The following PRKN variants were observed in gnomAD, a reference collection of about 807,000 sequenced individuals.
The protein encoded by PRKN is E3 ubiquitin-protein ligase parkin.
PRKN carries 56 observed loss-of-function variants against 59.5 expected under a neutral mutation model. The observed-to-expected ratio is 0.94, with a 90% CI of 0.76 to 1.18. The LOEUF is 1.18. PRKN is among the 50% of genes most tolerant of loss of function. The pLI is 0.00. For synonymous variants in PRKN, 250 were observed against 222.1 expected, an observed-to-expected ratio of 1.13 and a Z score of -1.12; for missense variants, 657 against 596.4, an observed-to-expected ratio of 1.10 and a Z score of -1.06.
Position 162,300,875 on chromosome 6 carries a change from A to C in PRKN, c.172-38110T>G, listed in dbSNP as rs1781912860. 1.3e-5 allele frequency among the ~76,000 whole-genome samples: 2 copies of C among 152,158 alleles called. 1 individual carries two copies. Among genetic ancestry groups the C allele is most frequent in the Non-Finnish European group, 2.9e-5 (2 of 68,032 alleles). ...TCTTCAACCTATACATTAACAAAATAAAATGCATGTCAGGACACAGATGAC... is the reference window on the plus strand; with the variant it reads ...TCTTCAACCTATACATTAACAAAATCAAATGCATGTCAGGACACAGATGAC... On this transcript the variant is annotated intron_variant, in intron 2 of 11. Transcript: ENST00000366898.
intron 7 of PRKN, among the ~76,000 whole-genome samples, chr6:161,630,497 G>C (rs1214613384): frequency 2.0e-5 from 3 of 152,158 alleles, no homozygotes; most frequent in Non-Finnish European, 4.4e-5. Context: ...AATTTAATGA[G>C]TTTCCAAAAG....
intron 2 of PRKN, among the ~76,000 whole-genome samples, chr6:162,282,687 G>A (rs1780964708): frequency 6.6e-6 from 1 of 152,122 alleles, no homozygotes; most frequent in Non-Finnish European, 1.5e-5. Flanking sequence ...GGAAAAGAAG[G>A]CGGTCTATTT....
chr6:162,478,876 C>T (rs557927654), intron 1 of PRKN, among the ~76,000 whole-genome samples: 3 of 152,228 alleles, frequency 2.0e-5, no homozygotes, highest in African/African-American at 4.8e-5. Context: ...ATGGGACACT[C>T]GTCTAGGAAA....
At position 161,850,343 on chromosome 6, in the gene PRKN, G is replaced by A. The variant is rs61479004; in HGVS notation, c.735-64435C>T. Among the ~76,000 whole-genome samples the A allele has an allele frequency of 2.4e-3, 360 of 152,198 alleles. 2 individuals carry two copies. The highest frequency in any genetic ancestry group is 8.2e-3 in the African/African-American group (342 of 41,550). ...GCCTATAATCCCAGCACTTTGGAAG[G>A]CTGAGGTGCGTGGATCACGAGGTCA... On this transcript the variant is annotated intron_variant, in intron 6 of 11. Transcript: ENST00000366898.
At chr6:161,754,330 G>C (rs149155818) in intron 7 of PRKN, among the ~76,000 whole-genome samples, 1 of 152,014 alleles carries the variant, frequency 6.6e-6, no homozygotes, top group Non-Finnish European at 1.5e-5. Context: ...AGGAGATGTG[G>C]AGAGGGAGGG....
intron 10 of PRKN, among the ~76,000 whole-genome samples, chr6:161,366,617 T>C (rs1022683039): frequency 6.6e-6 from 1 of 152,176 alleles, no homozygotes; most frequent in Admixed American, 6.5e-5. Flanking sequence ...TGACTTAATA[T>C]GTAGACAAGA....
intron 3 of PRKN, among the ~76,000 whole-genome samples, chr6:162,228,178 G>A (rs541143215): frequency 2.6e-4 from 39 of 152,276 alleles, no homozygotes; most frequent in African/African-American, 8.4e-4. Flanking sequence ...TATTTCTACT[G>A]AAGCAGGTAT....
intron 9 of PRKN, among the ~76,000 whole-genome samples, chr6:161,437,182 C>T (rs530085045): frequency 2.6e-5 from 4 of 152,274 alleles, no homozygotes; most frequent in Admixed American, 1.3e-4. Flanking sequence ...GCGAGGACCA[C>T]GACACAAGCT....
chr6:162,104,372 C>T (rs1338173169), intron 4 of PRKN, among the ~76,000 whole-genome samples: 2 of 152,082 alleles, frequency 1.3e-5, no homozygotes, highest in Non-Finnish European at 2.9e-5. Flanking sequence ...TGTAACCTTC[C>T]AATACTAATT....
At chr6:161,688,710 G>A (rs986450561) in intron 7 of PRKN, among the ~76,000 whole-genome samples, 6 of 152,114 alleles carry the variant, frequency 3.9e-5, no homozygotes, top group Non-Finnish European at 1.5e-5. Context: ...AATAAAGAAG[G>A]GAATGACAAG....
At chr6:162,290,404 C>A (rs2128109072) in intron 2 of PRKN, among the ~76,000 whole-genome samples, 1 of 152,270 alleles carries the variant, frequency 6.6e-6, no homozygotes, top group Non-Finnish European at 1.5e-5. Flanking sequence ...ATAAATCTAA[C>A]ACAAAATATC....
chr6:161,566,842 G>T lies in PRKN; in HGVS notation c.933+2513C>A, dbSNP rs1445161192. ...TTATGAATGTTAAAGCCAGGCACAT[G>T]ATCACATTGGAGCCTCTGTTGTTGC... On this transcript the variant is annotated intron_variant, in intron 8 of 11. Transcript: ENST00000366898. This position sits in a 1 kb window ranked among gnomAD's most constrained non-coding sequence, Gnocchi z 4.1. Among the ~76,000 whole-genome samples, 3 of 152,060 alleles carry T rather than the reference G, an allele frequency of 2.0e-5. No homozygotes were observed. The highest frequency in any genetic ancestry group is 4.8e-5 in the African/African-American group (2 of 41,384).
chr6:162,286,996 T>G (rs55644342), intron 2 of PRKN, among the ~76,000 whole-genome samples: 13,460 of 152,272 alleles, frequency 0.088, 786 homozygotes, highest in South Asian at 0.25. Flanking sequence ...CATCTAAATT[T>G]TGCTTCATTC....
intron 3 of PRKN, 101 bp downstream of exon 3, chr6:162,262,424 G>A (rs750630486): frequency 9.2e-6 from 13 of 1,415,806 alleles, no homozygotes; most frequent in South Asian, 1.2e-5. Context: ...AATCCAAAAC[G>A]TATCATAAAC....
chr6:161,636,465 A>G (rs1783525010), intron 7 of PRKN, among the ~76,000 whole-genome samples: 1 of 152,204 alleles, frequency 6.6e-6, no homozygotes, highest in Non-Finnish European at 1.5e-5. Flanking sequence ...GCTGGTGAAC[A>G]GTCATGGCAT....
At chr6:162,619,927 T>TTC (rs924803585) in intron 1 of PRKN, among the ~76,000 whole-genome samples, 2 of 152,206 alleles carry the variant, frequency 1.3e-5, no homozygotes, top group African/African-American at 4.8e-5. Flanking sequence ...TGAGGGTATC[T>TTC]TCTCTCTCAC....
At chr6:162,012,195 A>C (rs112229233) in intron 5 of PRKN, among the ~76,000 whole-genome samples, 33 of 152,212 alleles carry the variant, frequency 2.2e-4, no homozygotes, top group African/African-American at 7.5e-4. Flanking sequence ...GGGAATTATA[A>C]ATTTTAAAAC....
At chr6:161,981,780 T>C (rs901314094) in intron 5 of PRKN, among the ~76,000 whole-genome samples, 1 of 152,194 alleles carries the variant, frequency 6.6e-6, no homozygotes. Flanking sequence ...TACACTTTGT[T>C]AAATTAACAA....
Position 161,369,631 on chromosome 6 carries a change from C to T in PRKN, c.1168-9426G>A, listed in dbSNP as rs1321396338. On this transcript the variant is annotated intron_variant, in intron 10 of 11. Transcript: ENST00000366898. The surrounding 1 kb of genome is among the most constrained non-coding windows in gnomAD (Gnocchi z 5.8). Reference sequence around the variant, plus strand: ...ATTCTGTGCCTGTCTACTGCTCACCCGTGGCAGGAGGAATTGCATGCATGC... The same window carrying T: ...ATTCTGTGCCTGTCTACTGCTCACCTGTGGCAGGAGGAATTGCATGCATGC... Among the ~76,000 whole-genome samples, 9 of 152,080 alleles carry T rather than the reference C, an allele frequency of 5.9e-5. No individual in the cohort carries two copies. Among genetic ancestry groups the T allele is most frequent in the African/African-American group, 1.4e-4 (6 of 41,422 alleles).
Sources: gnomAD v4.1 joint callset for allele counts (sites outside exome capture counted in the v4.1 genomes callset) on GRCh38, gnomAD v4.1.1 for gene constraint, Gnocchi (gnomAD v3.1) non-coding constraint, MANE v1.5 for transcripts, NCBI Gene and HGNC (gene_info 2026-07-23, HGNC 2026-07-21) for gene names.